The following HEATR5A variants were observed in gnomAD, a reference collection of about 807,000 sequenced individuals.
HEATR5A encodes the protein HEAT repeat containing 5A, also known as HEAT repeat-containing protein 5A.
Under a neutral mutation model 218.8 loss-of-function variants are expected in HEATR5A, and 178 were observed. The ratio of observed to expected loss-of-function variants is 0.81; its 90% CI spans 0.72 to 0.92. The LOEUF (loss-of-function observed/expected upper bound fraction) is 0.92, where lower values mean the gene tolerates loss of function less well. Ranked by LOEUF, HEATR5A falls within the 40% of genes least tolerant of loss-of-function variation. The pLI is 0.00. For missense variants in HEATR5A, 2,420 were observed against 2,418.9 expected (o/e 1.00, Z -0.01); for synonymous variants, 864 against 871.6 (o/e 0.99, Z 0.15).
At chr14:31,295,773 A>C (rs555877541) in intron 34 of HEATR5A, 136 bp downstream of exon 34, 2 of 669,440 alleles carry the variant, frequency 3.0e-6, no homozygotes, top group Admixed American at 5.6e-5. Flanking sequence ...CCTGAAATAG[A>C]AATTAATCTT....
At position 31,358,937 on chromosome 14, in the gene HEATR5A, CTTAG is replaced by C. The variant is rs776519868; in HGVS notation, c.2188_2191del (p.Leu730ValfsTer39). The C allele has an allele frequency of 6.3e-7, 1 of 1,591,746 alleles. No individual in the cohort carries two copies. Among genetic ancestry groups the C allele is most frequent in the Non-Finnish European group, 8.5e-7 (1 of 1,174,758 alleles). The stretch of plus-strand genomic sequence containing the variant: ...ATGGTCAGTCTCTTGTAGGAAAGGA[CTTAG>C]TATCAAAAGATCATCCTGATGACAG... On this transcript the variant is annotated frameshift_variant, in exon 15 of 36. Transcript: ENST00000543095. LOFTEE classifies it high-confidence loss of function.
intron 2 of HEATR5A, 144 bp from the exon 3 acceptor site, chr14:31,400,656 T>C (rs1595176882): frequency 1.6e-6 from 1 of 612,500 alleles, no homozygotes; most frequent in South Asian, 2.4e-5. Context: ...TACAAATAAG[T>C]TGGTAGTGTG....
At chr14:31,406,572 T>A (rs542620341) in intron 1 of HEATR5A, among the ~76,000 whole-genome samples, 7 of 152,230 alleles carry the variant, frequency 4.6e-5, no homozygotes, top group African/African-American at 1.7e-4. Flanking sequence ...AGAACCTGGG[T>A]GTGCACTTAA....
At chr14:31,312,140 G>A (rs1281632443) in intron 28 of HEATR5A, among the ~76,000 whole-genome samples, 5 of 152,112 alleles carry the variant, frequency 3.3e-5, no homozygotes, top group Admixed American at 3.3e-4. Flanking sequence ...CAAGAAAGTT[G>A]AGTTTGAGAA....
chr14:31,364,593 T>C (rs1289066343), intron 13 of HEATR5A, among the ~76,000 whole-genome samples: 1 of 151,760 alleles, frequency 6.6e-6, no homozygotes, highest in Non-Finnish European at 1.5e-5. Flanking sequence ...GCTAATTTTA[T>C]TTTGTATTTT....
chr14:31,386,974 T>C, intron 8 of HEATR5A, 146 bp downstream of exon 8: 1 of 744,632 alleles, frequency 1.3e-6, no homozygotes, highest in East Asian at 2.6e-5. Context: ...TCTTAAATTC[T>C]ATAGGAAGTA....
chr14:31,339,935 C>G (rs548676956), intron 21 of HEATR5A, among the ~76,000 whole-genome samples: 1 of 152,198 alleles, frequency 6.6e-6, no homozygotes, highest in Non-Finnish European at 1.5e-5. Context: ...GTTTTACAAG[C>G]ATATAATACA....
chr14:31,311,254 T>A (rs967098816), intron 28 of HEATR5A, among the ~76,000 whole-genome samples: 1 of 152,032 alleles, frequency 6.6e-6, no homozygotes, highest in Non-Finnish European at 1.5e-5. Context: ...AAGAACCCTA[T>A]CCCTATTTCC....
intron 27 of HEATR5A, among the ~76,000 whole-genome samples, chr14:31,314,477 G>A (rs529095604): frequency 1.1e-4 from 16 of 151,724 alleles, no homozygotes; most frequent in African/African-American, 2.7e-4. Flanking sequence ...GGCTGGTCTC[G>A]AACTCCTGAA....
At chr14:31,417,943 T>C (rs772144685) in intron 1 of HEATR5A, among the ~76,000 whole-genome samples, 2 of 152,052 alleles carry the variant, frequency 1.3e-5, no homozygotes, top group Non-Finnish European at 2.9e-5. Context: ...CAGTGGCTCA[T>C]GACTGTAATA....
At chr14:31,359,287 A>AGTGTGTGT (rs35338545) in intron 14 of HEATR5A, among the ~76,000 whole-genome samples, 2,545 of 50,418 alleles carry the variant, frequency 0.05, 83 homozygotes, top group Admixed American at 0.2. Flanking sequence ...AAAGTGTAAG[A>AGTGTGTGT]GTGTGTGTGT....
chr14:31,293,609 G>A lies in HEATR5A; in HGVS notation c.5837C>T (p.Ala1946Val), dbSNP rs1899084736. 3 of 1,599,304 alleles carry A rather than the reference G, an allele frequency of 1.9e-6. No homozygotes were observed. In the South Asian group the frequency reaches 3.4e-5, roughly 18 times the overall value. The change falls in exon 36 of 36, where the codon GCT (alanine) becomes GTT (valine). Residue 1946 changes from alanine (A) to valine (V), a missense_variant. Ala to Val is a moderately conservative substitution (Grantham distance 64). Transcript: ENST00000543095. ...GGGCAAAAGACAGGCCACCAGCTGA[G>A]CGCCTAGAAAGTAAACAAATAATAT... ...LVTVAEEHHR[A>V]QLVACLLPIL...
rs1057361620 is a variant in HEATR5A, at chr14:31,339,126, A to T, written c.3229-1512T>A. 2.0e-5 allele frequency among the ~76,000 whole-genome samples: 3 copies of T among 150,802 alleles called. No homozygotes were observed. In the South Asian group the frequency reaches 6.3e-4, roughly 32 times the overall value. On this transcript the variant is annotated intron_variant, in intron 21 of 35. Coordinates refer to ENST00000543095, the MANE Select transcript of HEATR5A (RefSeq NM_015473.4). ...CACAGACTGTGTCTCAGGAAAAAAA[A>T]ACAAAAACAAAAACATATATATATG...
At chr14:31,301,818 T>C (rs148335851) in intron 33 of HEATR5A, among the ~76,000 whole-genome samples, 34,722 of 136,978 alleles carry the variant, frequency 0.25, 5,604 homozygotes, top group Non-Finnish European at 0.37. Context: ...CTTTTTTTTT[T>C]TTTTTTTTTT....
chr14:31,415,421 T>C (rs763205622), intron 1 of HEATR5A, among the ~76,000 whole-genome samples: 4 of 152,230 alleles, frequency 2.6e-5, no homozygotes, highest in Non-Finnish European at 5.9e-5. Flanking sequence ...AGCAGCACTC[T>C]GTAAATCAAA....
chr14:31,386,246 G>A (rs1489439847), intron 9 of HEATR5A, among the ~76,000 whole-genome samples, 174 bp downstream of exon 9: 4 of 152,020 alleles, frequency 2.6e-5, no homozygotes, highest in African/African-American at 9.7e-5. Context: ...TTTAATTACA[G>A]AAGAAAAAAC....
chr14:31,354,283 G>A (rs958903759), intron 16 of HEATR5A, among the ~76,000 whole-genome samples: 5 of 151,974 alleles, frequency 3.3e-5, no homozygotes, highest in Non-Finnish European at 7.4e-5. Flanking sequence ...GTATCGCACT[G>A]GAAGTTATAA....
intron 1 of HEATR5A, among the ~76,000 whole-genome samples, chr14:31,407,910 G>C (rs952292453): frequency 6.6e-6 from 1 of 152,180 alleles, no homozygotes. Context: ...TTACAGAGGT[G>C]AGCCACCATG....
chr14:31,293,890 C>T lies in HEATR5A; in HGVS notation c.5833+1G>A, dbSNP rs1265051103. ...AGTATGAATTTAGTGCTGACACTTA[C>T]GATGGTGTTCTTCAGCAACAGTAAC... On this transcript the variant is annotated splice_donor_variant, in intron 35 of 35. Coordinates refer to ENST00000543095, the MANE Select transcript of HEATR5A (RefSeq NM_015473.4). LOFTEE classifies it high-confidence loss of function. 4.4e-6 allele frequency: 7 copies of T among 1,590,542 alleles called. No individual in the cohort carries two copies. Among genetic ancestry groups the T allele is most frequent in the East Asian group, 2.2e-5 (1 of 44,502 alleles).
Sources: gnomAD v4.1 joint callset for allele counts (sites outside exome capture counted in the v4.1 genomes callset) on GRCh38, gnomAD v4.1.1 for gene constraint, MANE v1.5 for transcripts, NCBI Gene and HGNC (gene_info 2026-07-23, HGNC 2026-07-21) for gene names.